The following TOP6BL variants were observed in gnomAD, a reference collection of about 807,000 sequenced individuals.
The protein encoded by TOP6BL is TOP6B like initiator of meiotic double strand breaks.
chr11:66,837,412 C>T, the TOP6BL span, among the ~76,000 whole-genome samples: 1 of 151,606 alleles, frequency 6.6e-6, no homozygotes, highest in Non-Finnish European at 1.5e-5. Context: ...CAGGCTTGAG[C>T]CACTGCACCT....
the TOP6BL span, among the ~76,000 whole-genome samples, chr11:66,787,297 T>G: frequency 3.9e-5 from 6 of 152,096 alleles, no homozygotes; most frequent in Admixed American, 2.0e-4. Flanking sequence ...CATTATGAGA[T>G]ATGTAGCATG....
At chr11:66,843,148 CG>C in the TOP6BL span, 4 of 1,610,090 alleles carry the variant, frequency 2.5e-6, no homozygotes, top group South Asian at 3.3e-5. Context: ...GTCCTCACCC[CG>C]GGCCCCCTTG....
At chr11:66,751,136 C>T in the TOP6BL span, among the ~76,000 whole-genome samples, 3 of 152,230 alleles carry the variant, frequency 2.0e-5, no homozygotes, top group South Asian at 6.2e-4. Context: ...CCACCTCAGC[C>T]TCCTGAGTAG....
the TOP6BL span, among the ~76,000 whole-genome samples, chr11:66,775,910 A>G: frequency 6.6e-6 from 1 of 152,086 alleles, no homozygotes; most frequent in African/African-American, 2.4e-5. Context: ...TGTTGCTATT[A>G]TGAATGATAT....
At chr11:66,821,592 C>T in the TOP6BL span, 22 of 1,540,122 alleles carry the variant, frequency 1.4e-5, no homozygotes, top group Non-Finnish European at 1.6e-5. Flanking sequence ...TGCAGATGCA[C>T]AGTGAGGGGA....
At chr11:66,818,829 G>C in the TOP6BL span, among the ~76,000 whole-genome samples, 2 of 152,060 alleles carry the variant, frequency 1.3e-5, no homozygotes, top group African/African-American at 4.8e-5. Flanking sequence ...CATTCCTTAA[G>C]AACTCAGATT....
At chr11:66,768,846 TA>T in the TOP6BL span, among the ~76,000 whole-genome samples, 1 of 152,146 alleles carries the variant, frequency 6.6e-6, no homozygotes, top group Non-Finnish European at 1.5e-5. Flanking sequence ...CTTGGATAGA[TA>T]AAACAGGAGG....
the TOP6BL span, among the ~76,000 whole-genome samples, chr11:66,803,748 A>C: frequency 2.0e-5 from 3 of 152,094 alleles, no homozygotes; most frequent in East Asian, 5.8e-4. Flanking sequence ...TAAAAAGAGA[A>C]ACTAAGAAGC....
chr11:66,827,102 C>T, the TOP6BL span, among the ~76,000 whole-genome samples: 1 of 152,182 alleles, frequency 6.6e-6, no homozygotes, highest in African/African-American at 2.4e-5. Flanking sequence ...CTGCCTCAGC[C>T]TCCCGAGTAT....
chr11:66,780,565 GT>G, the TOP6BL span, among the ~76,000 whole-genome samples: 1 of 151,738 alleles, frequency 6.6e-6, no homozygotes, highest in Non-Finnish European at 1.5e-5. Flanking sequence ...GCGCTTTATT[GT>G]TTTTATTTAT....
the TOP6BL span, chr11:66,838,389 A>G: frequency 6.2e-7 from 1 of 1,613,920 alleles, no homozygotes; most frequent in Non-Finnish European, 8.5e-7. Flanking sequence ...GAAAAAAAGG[A>G]CTCAGCCCAG....
the TOP6BL span, chr11:66,828,331 A>G: frequency 7.7e-5 from 124 of 1,613,588 alleles, no homozygotes; most frequent in Non-Finnish European, 9.3e-5. Flanking sequence ...CCCAACACCA[A>G]TTTCTTCACC....
At chr11:66,797,666 C>T in the TOP6BL span, among the ~76,000 whole-genome samples, 4 of 151,876 alleles carry the variant, frequency 2.6e-5, no homozygotes, top group Admixed American at 2.0e-4. Context: ...CACCACACCT[C>T]GCTAATTTTT....
the TOP6BL span, among the ~76,000 whole-genome samples, chr11:66,824,695 T>C: frequency 3.4e-5 from 5 of 147,782 alleles, no homozygotes; most frequent in Admixed American, 6.9e-5. Context: ...GAACATGTGG[T>C]GTTTGGTTTT....
the TOP6BL span, among the ~76,000 whole-genome samples, chr11:66,768,903 C>A: frequency 6.6e-6 from 1 of 152,166 alleles, no homozygotes; most frequent in Non-Finnish European, 1.5e-5. Flanking sequence ...CTGGCTCATT[C>A]TCTGGCTGAG....
At chr11:66,792,820 CCT>C in the TOP6BL span, among the ~76,000 whole-genome samples, 2 of 152,102 alleles carry the variant, frequency 1.3e-5, no homozygotes, top group Non-Finnish European at 2.9e-5. Context: ...TATAATTAGC[CCT>C]CTCTATGATA....
At chr11:66,785,456 A>C in the TOP6BL span, among the ~76,000 whole-genome samples, 1 of 152,014 alleles carries the variant, frequency 6.6e-6, no homozygotes, top group African/African-American at 2.4e-5. Flanking sequence ...CATGGTATTA[A>C]TCTTCTTTGC....
the TOP6BL span, among the ~76,000 whole-genome samples, chr11:66,766,805 A>C: frequency 1.3e-5 from 2 of 152,224 alleles, no homozygotes; most frequent in Non-Finnish European, 2.9e-5. Flanking sequence ...TTTGAATGTC[A>C]ATTAGACTAT....
chr11:66,780,782 A>C, the TOP6BL span, among the ~76,000 whole-genome samples: 1 of 151,946 alleles, frequency 6.6e-6, no homozygotes, highest in African/African-American at 2.4e-5. Context: ...GGGTTTTTCC[A>C]TGTTGACCAG....
Sources: gnomAD v4.1 joint callset for allele counts (sites outside exome capture counted in the v4.1 genomes callset) on GRCh38, gnomAD v4.1.1 for gene constraint, MANE v1.5 for transcripts, NCBI Gene and HGNC (gene_info 2026-07-23, HGNC 2026-07-21) for gene names.